CBFA2T3: variants seen among roughly 807,000 people sequenced by gnomAD.
CBFA2T3 encodes CBFA2/RUNX1 partner transcriptional co-repressor 3.
A neutral mutation model predicts 58.6 loss-of-function variants in CBFA2T3; 31 were observed. The ratio of observed to expected loss-of-function variants is 0.53; its 90% confidence interval spans 0.40 to 0.71. The LOEUF is 0.71. Among genes scored for constraint, CBFA2T3 ranks in the 30% least tolerant of loss-of-function variants. CBFA2T3 has a pLI of 0.00. For missense variants in CBFA2T3, 1,076 were observed against 963.1 expected, an observed-to-expected ratio of 1.12 and a Z score of -1.55; for synonymous variants, 531 against 421.9, an observed-to-expected ratio of 1.26 and a Z score of -3.17.
chr16:88,882,801 GCCA>G, intron 7 of CBFA2T3, 40 bp from the exon 8 acceptor site: 1 of 1,313,506 alleles, frequency 7.6e-7, no homozygotes, highest in South Asian at 1.3e-5. Flanking sequence ...CCCACCCACA[GCCA>G]GTCTCTGCCC....
At chr16:88,908,979 G>C (rs778692663) in intron 1 of CBFA2T3, among the ~76,000 whole-genome samples, 7 of 152,102 alleles carry the variant, frequency 4.6e-5, no homozygotes, top group Middle Eastern at 3.4e-3. Context: ...CTCTGGATCC[G>C]ATCCTCTCCG....
intron 1 of CBFA2T3, chr16:88,941,081 G>A: frequency 1.0e-6 from 1 of 985,038 alleles, no homozygotes; most frequent in Non-Finnish European, 1.2e-6. Flanking sequence ...CTCGGTCCGG[G>A]AGTCGCTGCT....
chr16:88,935,018 G>T (rs1415684250), intron 1 of CBFA2T3, among the ~76,000 whole-genome samples: 2 of 152,160 alleles, frequency 1.3e-5, no homozygotes, highest in Admixed American at 1.3e-4. Flanking sequence ...GGGATTACAG[G>T]CGTAAGCCAC....
intron 1 of CBFA2T3, among the ~76,000 whole-genome samples, chr16:88,960,386 G>A (rs1972328684): frequency 6.6e-6 from 1 of 152,262 alleles, no homozygotes; most frequent in Non-Finnish European, 1.5e-5. Context: ...CAGAGAAGAT[G>A]TGAAGAAAGA....
rs1382386322 is a variant in CBFA2T3 at position 88,875,393 on chromosome 16, A to G, written c.*1583T>C. The G allele has an allele frequency of 4.3e-6, 1 of 233,414 alleles. No individual in the cohort carries two copies. Among genetic ancestry groups the G allele is most frequent in the Non-Finnish European group, 8.5e-6 (1 of 118,270 alleles). 14.5% of individuals were successfully genotyped at this position (233,414 alleles called of 1,614,324 possible). On this transcript the variant is annotated 3_prime_UTR_variant, in exon 12 of 12. Transcript: ENST00000268679. ...ACGTCTGATAGAAAACGTCACCGAG[A>G]CACACCCCAGGGCCAGAGGCGAACG...
In CBFA2T3 at chr16:88,885,119, G is replaced by T; in HGVS notation, c.1044C>A (p.Ala348=). The T allele has an allele frequency of 6.2e-7, 1 of 1,602,712 alleles. No homozygotes were observed. Among genetic ancestry groups the T allele is most frequent in the Admixed American group, 1.7e-5 (1 of 59,498 alleles). Residue 348 remains alanine (A), a synonymous_variant, in exon 7 of 12, where the codon GCC becomes GCA. Transcript: ENST00000268679. This position sits in a 1 kb window ranked among gnomAD's most constrained non-coding sequence, Gnocchi z 5.3. ...PPPHYRLEDI[A]MAHHFRDAYR... ...AGGCATCTCGGAAGTGGTGGGCCAT[G>T]GCTATGTCCTCCAGGCGGTAGTGCG...
rs186966622 is a variant in CBFA2T3 at position 88,898,637 on chromosome 16, G to A, written c.305-485C>T. ...AGCACCATCCTCAGGGACCTGGGCC[G>A]AAGCCGCGTGTCCTAAAAGCGACCT... On this transcript the variant is annotated intron_variant, in intron 2 of 11. Coordinates refer to ENST00000268679, the MANE Select transcript of CBFA2T3 (RefSeq NM_005187.6). 1.2e-3 allele frequency among the ~76,000 whole-genome samples: 183 copies of A among 151,306 alleles called. 2 individuals are homozygous for A. The South Asian group carries it at 0.019, about 16-fold the overall frequency.
intron 1 of CBFA2T3, among the ~76,000 whole-genome samples, chr16:88,925,181 AG>A (rs1183977638): frequency 6.6e-6 from 1 of 152,234 alleles, no homozygotes; most frequent in Non-Finnish European, 1.5e-5. Context: ...GCCGGGTTCC[AG>A]CCCTGCCCGG....
chr16:88,897,342 G>A (rs558514568), intron 3 of CBFA2T3, among the ~76,000 whole-genome samples: 7 of 152,362 alleles, frequency 4.6e-5, no homozygotes, highest in Admixed American at 1.3e-4. Flanking sequence ...GGAGTGCCAC[G>A]ACAGCCACAC....
chr16:88,968,056 C>T (rs1371574767), intron 1 of CBFA2T3, among the ~76,000 whole-genome samples: 2 of 152,232 alleles, frequency 1.3e-5, no homozygotes, highest in African/African-American at 2.4e-5. Flanking sequence ...GTGGGTTCGA[C>T]GGGTCATGGG....
rs534277262 is a variant in CBFA2T3 at position 88,940,425 on chromosome 16, C to T, written c.151+36232G>A. 3 of 153,182 alleles carry T rather than the reference C, an allele frequency of 2.0e-5. No homozygotes were observed. The East Asian group carries it at 5.8e-4, about 29-fold the overall frequency. 9.5% of individuals were successfully genotyped at this position (153,182 alleles called of 1,614,324 possible). A position where few individuals can be genotyped will look rare whatever the true frequency, so the allele number is the denominator to read the frequency against. The stretch of plus-strand genomic sequence containing the variant: ...CCTCCCCGCTGTTCCCACAGCCTGG[C>T]TCGGGGCCTGCCCAACACAGATGGA... On this transcript the variant is annotated intron_variant, in intron 1 of 11. Transcript: ENST00000268679.
At chr16:88,976,226 C>T (rs1302857196) in intron 1 of CBFA2T3, among the ~76,000 whole-genome samples, 3 of 152,192 alleles carry the variant, frequency 2.0e-5, no homozygotes, top group Non-Finnish European at 4.4e-5. Flanking sequence ...GGGCCAGTGC[C>T]CTCCCCTCTG....
At chr16:88,928,709 G>A (rs924751520) in intron 1 of CBFA2T3, among the ~76,000 whole-genome samples, 2 of 152,224 alleles carry the variant, frequency 1.3e-5, no homozygotes, top group Admixed American at 6.5e-5. Flanking sequence ...CCTGCCCCAC[G>A]GAGCTGACCT....
At chr16:88,922,982 AC>A (rs1352114896) in intron 1 of CBFA2T3, among the ~76,000 whole-genome samples, 1 of 152,192 alleles carries the variant, frequency 6.6e-6, no homozygotes, top group East Asian at 1.9e-4. Flanking sequence ...CAGCGGACGG[AC>A]AGAGCTGGGA....
At chr16:88,973,950 C>T (rs922798214) in intron 1 of CBFA2T3, among the ~76,000 whole-genome samples, 7 of 152,210 alleles carry the variant, frequency 4.6e-5, no homozygotes, top group Admixed American at 3.9e-4. Flanking sequence ...CCGCCTTTGC[C>T]TGCACCCCTC....
intron 1 of CBFA2T3, among the ~76,000 whole-genome samples, chr16:88,959,972 T>C (rs1352602265): frequency 1.3e-5 from 2 of 152,112 alleles, no homozygotes; most frequent in African/African-American, 4.8e-5. Flanking sequence ...GAGGCTGCAG[T>C]GAGCCGAGAT....
chr16:88,888,002 G>C (rs907916637), intron 5 of CBFA2T3, among the ~76,000 whole-genome samples: 1 of 152,190 alleles, frequency 6.6e-6, no homozygotes, highest in Non-Finnish European at 1.5e-5. Flanking sequence ...CTGTGGCCTT[G>C]GGCTGGTCAT....
chr16:88,964,158 A>G (rs781570876), intron 1 of CBFA2T3, among the ~76,000 whole-genome samples: 1 of 152,230 alleles, frequency 6.6e-6, no homozygotes, highest in Non-Finnish European at 1.5e-5. Context: ...ATTGTTCTGC[A>G]AACACGGCTT....
chr16:88,944,726 C>T (rs1971859047), intron 1 of CBFA2T3, among the ~76,000 whole-genome samples: 1 of 152,260 alleles, frequency 6.6e-6, no homozygotes, highest in African/African-American at 2.4e-5. Context: ...CACAGGCGTC[C>T]CTGCACTGTC....
Sources: gnomAD v4.1 joint callset for allele counts (sites outside exome capture counted in the v4.1 genomes callset) on GRCh38, gnomAD v4.1.1 for gene constraint, Gnocchi (gnomAD v3.1) non-coding constraint, MANE v1.5 for transcripts, NCBI Gene and HGNC (gene_info 2026-07-23, HGNC 2026-07-21) for gene names.